Variants in CMYA5 observed in about 807,000 individuals in gnomAD.
The protein encoded by CMYA5 is cardiomyopathy-associated protein 5.
Under a neutral mutation model 318.9 loss-of-function variants are expected in CMYA5, and 246 were observed. The ratio of observed to expected loss-of-function variants is 0.77; its 90% CI spans 0.70 to 0.86. The LOEUF (loss-of-function observed/expected upper bound fraction) is 0.86, where lower values mean the gene tolerates loss of function less well. CMYA5 is among the 40% of genes least tolerant of loss of function. The pLI, the probability that CMYA5 is intolerant of heterozygous loss-of-function variation, is 0.00. For synonymous variants in CMYA5, 1,641 were observed against 1,729.5 expected, an observed-to-expected ratio of 0.95 and a Z score of 1.27; for missense variants, 4,589 against 4,678.2, an observed-to-expected ratio of 0.98 and a Z score of 0.56.
rs751376157 is a variant in CMYA5 at position 79,735,293 on chromosome 5, A to G, written c.6528A>G (p.Ser2176=). The change falls in exon 2 of 13, where the codon TCA becomes TCG. Residue 2176 remains serine (S), a synonymous_variant. Transcript: ENST00000446378. ...AGGAAAAGGGAAAGAAAGGAATTTC[A>G]TCTTTCAAATCGTGGATGTCCAGCT... ...LPEEKGKKGI[S]SFKSWMSSLF... 4 of 1,613,884 alleles carry G rather than the reference A, an allele frequency of 2.5e-6. No individual in the cohort carries two copies. The highest frequency in any genetic ancestry group is 1.1e-5 in the South Asian group (1 of 91,084).
At chr5:79,778,508 T>C (rs951130551) in intron 9 of CMYA5, among the ~76,000 whole-genome samples, 1 of 152,188 alleles carries the variant, frequency 6.6e-6, no homozygotes, top group Non-Finnish European at 1.5e-5. Context: ...TTTTATTAGG[T>C]TGAACATCTT....
rs1329673117 is a variant in CMYA5, at chr5:79,729,848, G to A, written c.1083G>A (p.Gln361=). Residue 361 remains glutamine (Q), a synonymous_variant, in exon 2 of 13, where the codon CAG becomes CAA. Transcript: ENST00000446378. The part of the protein sequence containing the change: ...AEQGIQLRHS[Q]SVPQQPEDEA... The stretch of plus-strand genomic sequence containing the variant: ...AAGGAATACAGCTCAGGCATTCACA[G>A]TCAGTGCCACAACAGCCAGAAGATG... 5.6e-6 allele frequency: 9 copies of A among 1,612,734 alleles called. No individual in the cohort carries two copies. Among genetic ancestry groups the A allele is most frequent in the South Asian group, 1.1e-5 (1 of 90,900 alleles).
chr5:79,788,681 T>G (rs1236897779), intron 9 of CMYA5, among the ~76,000 whole-genome samples: 1 of 152,182 alleles, frequency 6.6e-6, no homozygotes, highest in Non-Finnish European at 1.5e-5. Context: ...TGATATATTC[T>G]TGGAGATTCA....
At chr5:79,760,258 G>A (rs1828626085) in intron 7 of CMYA5, among the ~76,000 whole-genome samples, 1 of 148,998 alleles carries the variant, frequency 6.7e-6, no homozygotes, top group Non-Finnish European at 1.5e-5. Flanking sequence ...CATTGTTTCT[G>A]TGCCCTGAAC....
At chr5:79,699,505 C>A (rs1827136532) in intron 1 of CMYA5, among the ~76,000 whole-genome samples, 1 of 152,122 alleles carries the variant, frequency 6.6e-6, no homozygotes, top group Non-Finnish European at 1.5e-5. Context: ...TTGAATAGAT[C>A]CTTTCAAATA....
chr5:79,774,309 G>A (rs1385838044), intron 9 of CMYA5: 2 of 152,178 alleles, frequency 1.3e-5, no homozygotes, highest in East Asian at 1.9e-4. Context: ...GACAATCCCC[G>A]GCTTGTGCGC....
At chr5:79,714,095 A>G (rs1442606182) in intron 1 of CMYA5, among the ~76,000 whole-genome samples, 2 of 152,218 alleles carry the variant, frequency 1.3e-5, no homozygotes, top group Non-Finnish European at 2.9e-5. Flanking sequence ...AAGCATCTGC[A>G]TAATACTAAC....
Position 79,729,262 on chromosome 5 carries a change from A to G in CMYA5, c.497A>G (p.Lys166Arg), listed in dbSNP as rs72635618. 23,490 of 1,611,366 alleles carry G rather than the reference A, an allele frequency of 0.015. 1,328 individuals are homozygous for G. The East Asian group carries it at 0.2, about 14-fold the overall frequency. ...TCCCAAGATGTTCCAACAAACAAAAAAGGCAGTCCTTTAACTTCAGCAAGC... is the reference window on the plus strand; with the variant it reads ...TCCCAAGATGTTCCAACAAACAAAAGAGGCAGTCCTTTAACTTCAGCAAGC... ...FESQDVPTNK[K>R]GSPLTSASQV... The change falls in exon 2 of 13, where the codon AAA (lysine) becomes AGA (arginine). Residue 166 changes from lysine (K) to arginine (R), a missense_variant. Transcript: ENST00000446378.
At position 79,696,460 on chromosome 5, in the gene CMYA5, CTAAA is replaced by C. The variant is rs149009024; in HGVS notation, c.149+6407_149+6410del. On this transcript the variant is annotated intron_variant, in intron 1 of 12. Coordinates refer to ENST00000446378, the MANE Select transcript of CMYA5 (RefSeq NM_153610.5). ...TGATGCTACTGTTCAGTCCACCAAA[CTAAA>C]TACTCAGAGCCCTCTCAGGGAGCTG... Among the ~76,000 whole-genome samples, 497 of 152,356 alleles carry C rather than the reference CTAAA, an allele frequency of 3.3e-3. 4 individuals are homozygous for C. Among genetic ancestry groups the C allele is most frequent in the African/African-American group, 0.011 (445 of 41,578 alleles).
At position 79,731,395 on chromosome 5, in the gene CMYA5, C is replaced by T; in HGVS notation, c.2630C>T (p.Ser877Phe). The T allele has an allele frequency of 6.2e-7, 1 of 1,613,802 alleles. No individual in the cohort carries two copies. ...GCCCCACCACTTTCAGCCACCCCAT[C>T]TGAATATGTTGTTCTATCAGACGAA... The part of the protein sequence containing the change: ...CQAPPLSATP[S>F]EYVVLSDEEA... Residue 877 changes from serine (S) to phenylalanine (F), a missense_variant, in exon 2 of 13, where the codon TCT becomes TTT. Physicochemically the swap from Ser to Phe is radical, Grantham distance 155. This residue lies in a region of CMYA5 where 2,132 missense variants were observed against 2,131.3 expected (regional missense o/e 1.00). Coordinates refer to ENST00000446378, the MANE Select transcript of CMYA5 (RefSeq NM_153610.5).
intron 1 of CMYA5, among the ~76,000 whole-genome samples, chr5:79,716,330 A>G (rs1827516729): frequency 6.6e-6 from 1 of 152,202 alleles, no homozygotes; most frequent in South Asian, 2.1e-4. Flanking sequence ...GATTTCTACT[A>G]CTGAATCTCC....
chr5:79,789,707 G>T (rs928499490), intron 10 of CMYA5, among the ~76,000 whole-genome samples: 1 of 152,026 alleles, frequency 6.6e-6, no homozygotes, highest in Non-Finnish European at 1.5e-5. Flanking sequence ...TTACAGGTGT[G>T]AGCCACCATG....
chr5:79,745,507 C>T (rs1828306211), intron 4 of CMYA5, 52 bp downstream of exon 4: 1 of 1,136,762 alleles, frequency 8.8e-7, no homozygotes, highest in East Asian at 2.4e-5. Flanking sequence ...TCTGGCACAT[C>T]TACTTTTAAA....
chr5:79,724,102 G>T (rs1561202764), intron 1 of CMYA5, among the ~76,000 whole-genome samples: 1 of 151,990 alleles, frequency 6.6e-6, no homozygotes, highest in Non-Finnish European at 1.5e-5. Flanking sequence ...TGGACCACCT[G>T]AGGTCAGGAG....
chr5:79,709,960 C>CAAAAAAAAAAAAAAAAAAAAAAAAA (rs61657639), intron 1 of CMYA5, among the ~76,000 whole-genome samples: 2 of 24,324 alleles, frequency 8.2e-5, no homozygotes, highest in African/African-American at 3.0e-4. Flanking sequence ...GACTCCATCT[C>CAAAAAAAAAAAAAAAAAAAAAAAAA]AAAAAAAAAA....
rs1166120586 is a variant in CMYA5, at chr5:79,784,526, G to A, written c.11556-4445G>A. 2.4e-4 allele frequency among the ~76,000 whole-genome samples: 22 copies of A among 91,640 alleles called. No homozygotes were observed. In the East Asian group the frequency reaches 3.3e-3, roughly 14 times the overall value. The allele number at this position is 91,640 out of a possible 152,430, so 60.1% of individuals were successfully genotyped here. On this transcript the variant is annotated intron_variant, in intron 9 of 12. Coordinates refer to ENST00000446378, the MANE Select transcript of CMYA5 (RefSeq NM_153610.5). ...GAGCCCCTCCCCCAGCCTCGCTGCC[G>A]CCTTGCAGTTTGATCTCAGACTGCT...
chr5:79,731,102 C>T lies in CMYA5; in HGVS notation c.2337C>T (p.Val779=), dbSNP rs1827886201. The T allele has an allele frequency of 1.2e-6, 2 of 1,613,994 alleles. No homozygotes were observed. Among genetic ancestry groups the T allele is most frequent in the Non-Finnish European group, 1.7e-6 (2 of 1,179,882 alleles). ...LPSTATSEHV[V]PSEGEDLGSE... is the part of the protein sequence containing the mutation. ...CTACTGCCACATCAGAACACGTGGT[C>T]CCATCAGAAGGAGAGGACCTAGGAA... The change falls in exon 2 of 13, where the codon GTC becomes GTT. Residue 779 remains valine, a synonymous_variant. Transcript: ENST00000446378.
chr5:79,775,488 C>G (rs926502355), intron 9 of CMYA5, among the ~76,000 whole-genome samples: 48 of 152,112 alleles, frequency 3.2e-4, no homozygotes, highest in African/African-American at 1.1e-3. Flanking sequence ...CAATGGAACA[C>G]AAAATTTAAA....
At chr5:79,778,809 T>G (rs1474580369) in intron 9 of CMYA5, among the ~76,000 whole-genome samples, 1 of 81,054 alleles carries the variant, frequency 1.2e-5, no homozygotes, top group Admixed American at 1.4e-4. Context: ...CCCTCTCTCT[T>G]TCTGTGTGTG....
Sources: allele counts gnomAD v4.1 joint callset (sites outside exome capture counted in the v4.1 genomes callset), GRCh38; gene constraint gnomAD v4.1.1; regional missense constraint gnomAD v4.1.1; transcripts MANE v1.5; gene names NCBI Gene and HGNC (gene_info 2026-07-23, HGNC 2026-07-21).